UQCRB: variants seen among roughly 807,000 people sequenced by gnomAD.
UQCRB encodes the protein cytochrome b-c1 complex subunit 7.
UQCRB carries 12 observed loss-of-function variants against 19.8 expected under a neutral mutation model. That is an observed-to-expected ratio of 0.61 (90% CI 0.39 to 0.98). UQCRB has a LOEUF of 0.98. Among genes scored for constraint, UQCRB ranks in the 50% least tolerant of loss-of-function variants. The pLI is 0.00. For synonymous variants in UQCRB, 39 were observed against 42.9 expected (o/e 0.91, Z 0.35); for missense variants, 142 against 131.8 (o/e 1.08, Z -0.38).
At chr8:96,235,363 G>A (rs1305812406) in intron 1 of UQCRB, 149 bp downstream of exon 1, 3 of 1,163,692 alleles carry the variant, frequency 2.6e-6, no homozygotes, top group Non-Finnish European at 2.6e-6. Flanking sequence ...GAGTGGGGAA[G>A]CACATCCTTT....
chr8:96,223,450 A>T lies in UQCRB; in HGVS notation c.*7605T>A, dbSNP rs184400612. Among the ~76,000 whole-genome samples, 31 of 152,350 alleles carry T rather than the reference A, an allele frequency of 2.0e-4. 1 individual carries two copies. Among genetic ancestry groups the T allele is most frequent in the Admixed American group, 1.6e-3 (25 of 15,306 alleles). On this transcript the variant is annotated 3_prime_UTR_variant, in exon 4 of 4. Coordinates refer to ENST00000287022, the MANE Select transcript of UQCRB (RefSeq NM_006294.5). ...CTCACCTTGGAAAAATTTTCAAGGA[A>T]TAAATGAAACCTGAAATGGCCCACA...
rs1809490536 is a variant in UQCRB at position 96,224,186 on chromosome 8, G to T, written c.*6869C>A. Among the ~76,000 whole-genome samples the T allele has an allele frequency of 6.6e-6, 1 of 152,194 alleles. No individual in the cohort carries two copies. Among genetic ancestry groups the T allele is most frequent in the Non-Finnish European group, 1.5e-5 (1 of 68,034 alleles). On this transcript the variant is annotated 3_prime_UTR_variant, in exon 4 of 4. Coordinates refer to ENST00000287022, the MANE Select transcript of UQCRB (RefSeq NM_006294.5). ...TCAGGCAAACCAAAGAATGTCCAATGAAGGGACAATTAACAAACGGCAGGC... is the reference window on the plus strand; with the variant it reads ...TCAGGCAAACCAAAGAATGTCCAATTAAGGGACAATTAACAAACGGCAGGC...
Position 96,228,353 on chromosome 8 carries a change from A to C in UQCRB, c.*2702T>G, listed in dbSNP as rs1481301287. On this transcript the variant is annotated 3_prime_UTR_variant, in exon 4 of 4. Coordinates refer to ENST00000287022, the MANE Select transcript of UQCRB (RefSeq NM_006294.5). ...ATGTCACCCATCCAAAACACAAAAC[A>C]GGGAGATAGCCAAGTCTTAGCTCCA... 2.2e-6 allele frequency: 1 copy of C among 454,016 alleles called. No homozygotes were observed. Among genetic ancestry groups the C allele is most frequent in the African/African-American group, 2.0e-5 (1 of 50,016 alleles). The allele number at this position is 454,016 out of a possible 1,614,324, so 28.1% of individuals were successfully genotyped here. A position where few individuals can be genotyped will look rare whatever the true frequency, so the allele number is the denominator to read the frequency against.
chr8:96,231,641 T>C, intron 3 of UQCRB, 133 bp downstream of exon 3: 1 of 1,412,496 alleles, frequency 7.1e-7, no homozygotes, highest in South Asian at 1.2e-5. Flanking sequence ...AAATAACATT[T>C]GCTTTATTAA....
rs1371821167 is a variant in UQCRB, at chr8:96,223,647, G to GGC, written c.*7407_*7408insGC. Among the ~76,000 whole-genome samples, 806 of 99,530 alleles carry GGC rather than the reference G, an allele frequency of 8.1e-3. 6 individuals carry two copies. Among genetic ancestry groups the GGC allele is most frequent in the African/African-American group, 0.043 (748 of 17,352 alleles). The allele number at this position is 99,530 out of a possible 152,430, so 65.3% of individuals were successfully genotyped here. On this transcript the variant is annotated 3_prime_UTR_variant, in exon 4 of 4. Coordinates refer to ENST00000287022, the MANE Select transcript of UQCRB (RefSeq NM_006294.5). ...TGTCTTAAAGTAAAGCTAGAATTTA[G>GGC]ACAGAGTATGGTGAGGATTGCAAGT...
chr8:96,231,379 C>T, intron 3 of UQCRB: 3 of 1,540,252 alleles, frequency 1.9e-6, no homozygotes, highest in Non-Finnish European at 2.6e-6. Flanking sequence ...GTCCACAGGC[C>T]TTTGCCTAGT....
Position 96,227,772 on chromosome 8 carries a change from G to A in UQCRB, c.*3283C>T. On this transcript the variant is annotated 3_prime_UTR_variant, in exon 4 of 4. Coordinates refer to ENST00000287022, the MANE Select transcript of UQCRB (RefSeq NM_006294.5). ...TGAATCTTTTCATAAGTCAAAATTAGTGCAGAGTTAATGCTTGAAAAGGGA... is the reference window on the plus strand; with the variant it reads ...TGAATCTTTTCATAAGTCAAAATTAATGCAGAGTTAATGCTTGAAAAGGGA... 1 of 453,764 alleles carries A rather than the reference G, an allele frequency of 2.2e-6. No individual in the cohort carries two copies. The highest frequency in any genetic ancestry group is 4.4e-6 in the Non-Finnish European group (1 of 226,650). 28.1% of individuals were successfully genotyped at this position (453,764 alleles called of 1,614,324 possible).
In UQCRB at chr8:96,227,749, A is replaced by C. The variant is rs954276538; in HGVS notation, c.*3306T>G. ...GGCCCAGTTTTTATTCTTACTGCTG[A>C]ATCTTTTCATAAGTCAAAATTAGTG... On this transcript the variant is annotated 3_prime_UTR_variant, in exon 4 of 4. Transcript: ENST00000287022. 12 of 453,710 alleles carry C rather than the reference A, an allele frequency of 2.6e-5. No individual in the cohort carries two copies. Among genetic ancestry groups the C allele is most frequent in the African/African-American group, 2.2e-4 (11 of 49,998 alleles). The allele number at this position is 453,710 out of a possible 1,614,324, so 28.1% of individuals were successfully genotyped here. A position where few individuals can be genotyped will look rare whatever the true frequency, so the allele number is the denominator to read the frequency against.
At position 96,225,641 on chromosome 8, in the gene UQCRB, C is replaced by T. The variant is rs1453731015; in HGVS notation, c.*5414G>A. On this transcript the variant is annotated 3_prime_UTR_variant, in exon 4 of 4. Transcript: ENST00000287022. ...TCCATGCCTTTGAGCATTTCCTGCT[C>T]ATTTTCTTCTGCTTGGAAAGCCCTT... is the stretch of plus-strand genomic sequence containing the variant. Among the ~76,000 whole-genome samples, 2 of 151,788 alleles carry T rather than the reference C, an allele frequency of 1.3e-5. No individual in the cohort carries two copies. The highest frequency in any genetic ancestry group is 2.1e-4 in the South Asian group (1 of 4,810).
Position 96,226,155 on chromosome 8 carries a change from T to A in UQCRB, c.*4900A>T, listed in dbSNP as rs1485540065. On this transcript the variant is annotated 3_prime_UTR_variant, in exon 4 of 4. Transcript: ENST00000287022. ...CTGCCTAGCCTGGAACATAAACACATACATCAATTTAAAAAATCCAGAAAA... is the reference window on the plus strand; with the variant it reads ...CTGCCTAGCCTGGAACATAAACACAAACATCAATTTAAAAAATCCAGAAAA... 1 of 152,174 alleles carries A rather than the reference T, an allele frequency of 6.6e-6. No homozygotes were observed. Among genetic ancestry groups the A allele is most frequent in the Admixed American group, 6.5e-5 (1 of 15,282 alleles). The allele number at this position is 152,174 out of a possible 1,614,324, so 9.4% of individuals were successfully genotyped here.
rs1255367181 is a variant in UQCRB, at chr8:96,231,013, C to A, written c.*42G>T. The A allele has an allele frequency of 6.4e-7, 1 of 1,573,710 alleles. No homozygotes were observed. The highest frequency in any genetic ancestry group is 2.2e-5 in the East Asian group (1 of 44,652). Reference sequence around the variant, plus strand: ...TTAAAATTGTTTGTTTCAAGTTTAACCATCTTCATAACAGCTGCATCCACA... The same window carrying A: ...TTAAAATTGTTTGTTTCAAGTTTAAACATCTTCATAACAGCTGCATCCACA... On this transcript the variant is annotated 3_prime_UTR_variant, in exon 4 of 4. Coordinates refer to ENST00000287022, the MANE Select transcript of UQCRB (RefSeq NM_006294.5).
rs775497059 is a variant in UQCRB, at chr8:96,231,759, A to G, written c.258+15T>C. ...CTTAATGAGCAACACTGTCAGGTAG[A>G]TAAAGCTGTGCTACCTCTTCATATT... On this transcript the variant is annotated intron_variant, in intron 3 of 3. Transcript: ENST00000287022. 1.9e-6 allele frequency: 3 copies of G among 1,614,208 alleles called. No individual in the cohort carries two copies. The highest frequency in any genetic ancestry group is 3.3e-4 in the Middle Eastern group (2 of 6,062).
Position 96,227,539 on chromosome 8 carries a change from C to T in UQCRB, c.*3516G>A. On this transcript the variant is annotated 3_prime_UTR_variant, in exon 4 of 4. Coordinates refer to ENST00000287022, the MANE Select transcript of UQCRB (RefSeq NM_006294.5). ...ACTGTCCCTCCTAAAATCCATGCTT[C>T]CTCCCATACACCATAAACCCATCTG... The T allele has an allele frequency of 2.2e-6, 1 of 454,152 alleles. No individual in the cohort carries two copies. The highest frequency in any genetic ancestry group is 4.4e-6 in the Non-Finnish European group (1 of 226,798). 28.1% of individuals were successfully genotyped at this position (454,152 alleles called of 1,614,324 possible). A position where few individuals can be genotyped will look rare whatever the true frequency, so the allele number is the denominator to read the frequency against.
In UQCRB at chr8:96,225,784, C is replaced by T. The variant is rs1809515151; in HGVS notation, c.*5271G>A. On this transcript the variant is annotated 3_prime_UTR_variant, in exon 4 of 4. Transcript: ENST00000287022. Reference sequence around the variant, plus strand: ...ACCTTCTCCATGTTTCCATAGTACCCAGTACATATTTTTTGTGGACAATTC... The same window carrying T: ...ACCTTCTCCATGTTTCCATAGTACCTAGTACATATTTTTTGTGGACAATTC... 6.6e-6 allele frequency: 1 copy of T among 152,038 alleles called. No individual in the cohort carries two copies. Among genetic ancestry groups the T allele is most frequent in the Admixed American group, 6.6e-5 (1 of 15,260 alleles). 9.4% of individuals were successfully genotyped at this position (152,038 alleles called of 1,614,324 possible).
rs1326711978 is a variant in UQCRB, at chr8:96,228,384, A to G, written c.*2671T>C. ...ATAGCCAAGTCTTAGCTCCATCCTA[A>G]TCAAAGCTGTCATGCAGATCCAGTT... On this transcript the variant is annotated 3_prime_UTR_variant, in exon 4 of 4. Transcript: ENST00000287022. 2 of 453,966 alleles carry G rather than the reference A, an allele frequency of 4.4e-6. No individual in the cohort carries two copies. Among genetic ancestry groups the G allele is most frequent in the Non-Finnish European group, 8.8e-6 (2 of 226,792 alleles). 28.1% of individuals were successfully genotyped at this position (453,966 alleles called of 1,614,324 possible). A position where few individuals can be genotyped will look rare whatever the true frequency, so the allele number is the denominator to read the frequency against.
In UQCRB at chr8:96,231,847, C is replaced by A. The variant is rs771974856; in HGVS notation, c.185G>T (p.Arg62Leu). 1.7e-5 allele frequency: 28 copies of A among 1,614,100 alleles called. No homozygotes were observed. The highest frequency in any genetic ancestry group is 2.3e-5 in the Non-Finnish European group (27 of 1,180,016). ...PENLYNDRMF[R>L]IKRALDLNLK... ...GTTCAGGTCCAGTGCCCTCTTAATG[C>A]GAAACATCCTGTCATTATAAAGGTT... The change falls in exon 3 of 4, where the codon CGC becomes CTC. Residue 62 changes from arginine (R) to leucine (L), a missense_variant. Arg to Leu is a moderately radical substitution (Grantham distance 102). Transcript: ENST00000287022.
In UQCRB at chr8:96,230,399, A is replaced by T. The variant is rs899253259; in HGVS notation, c.*656T>A. On this transcript the variant is annotated 3_prime_UTR_variant, in exon 4 of 4. Coordinates refer to ENST00000287022, the MANE Select transcript of UQCRB (RefSeq NM_006294.5). ...GCCAATGATTCTAATTTATATTTTT[A>T]AAAATTACCCTATAATCTTAAAACT... 24 of 443,184 alleles carry T rather than the reference A, an allele frequency of 5.4e-5. No homozygotes were observed. Among genetic ancestry groups the T allele is most frequent in the African/African-American group, 3.5e-4 (17 of 49,106 alleles). The allele number at this position is 443,184 out of a possible 1,614,324, so 27.5% of individuals were successfully genotyped here.
chr8:96,230,221 G>A lies in UQCRB; in HGVS notation c.*834C>T, dbSNP rs1466382293. 1 of 445,400 alleles carries A rather than the reference G, an allele frequency of 2.2e-6. No homozygotes were observed. Among genetic ancestry groups the A allele is most frequent in the South Asian group, 1.6e-5 (1 of 63,532 alleles). 27.6% of individuals were successfully genotyped at this position (445,400 alleles called of 1,614,324 possible). ...CTCCCGAGTAGCTGGGATTACAGGT[G>A]CCTACCATCACGCCTAGCTAATTTT... On this transcript the variant is annotated 3_prime_UTR_variant, in exon 4 of 4. Coordinates refer to ENST00000287022, the MANE Select transcript of UQCRB (RefSeq NM_006294.5).
intron 1 of UQCRB, chr8:96,233,516 C>A (rs895671628): frequency 1.8e-4 from 70 of 385,184 alleles, no homozygotes; most frequent in Non-Finnish European, 1.2e-4. Flanking sequence ...TAAACTCAAA[C>A]ACTGAATGTA....
Sources: gnomAD v4.1 joint callset for allele counts (sites outside exome capture counted in the v4.1 genomes callset) on GRCh38, gnomAD v4.1.1 for gene constraint, MANE v1.5 for transcripts, NCBI Gene and HGNC (gene_info 2026-07-23, HGNC 2026-07-21) for gene names.